The following ATG4C variants were observed in gnomAD, a reference collection of about 807,000 sequenced individuals.
ATG4C encodes the protein autophagy related 4C cysteine peptidase.
In ATG4C, 56 loss-of-function variants were observed where a neutral mutation model predicts 57.6. That is an observed-to-expected ratio of 0.97 (90% CI 0.78 to 1.21). The LOEUF (loss-of-function observed/expected upper bound fraction) is 1.21. Among genes scored for constraint, ATG4C ranks in the 50% most tolerant of loss-of-function variants. The pLI, the probability that ATG4C is intolerant of heterozygous loss-of-function variation, is 0.00. For synonymous variants in ATG4C, 157 were observed against 174.1 expected (o/e 0.90, Z 0.78); for missense variants, 595 against 529.8 (o/e 1.12, Z -1.21).
At chr1:62,788,923 T>G (rs1187789213) in intron 1 of ATG4C, among the ~76,000 whole-genome samples, 2 of 152,156 alleles carry the variant, frequency 1.3e-5, no homozygotes, top group Admixed American at 6.5e-5. Context: ...AACTTTCCAT[T>G]TAATCATATT....
At chr1:62,855,137 T>G (rs1666644503) in intron 10 of ATG4C, among the ~76,000 whole-genome samples, 1 of 152,182 alleles carries the variant, frequency 6.6e-6, no homozygotes, top group Non-Finnish European at 1.5e-5. Flanking sequence ...TCAGTTTCCT[T>G]GTTTTTAGTT....
chr1:62,812,610 G>A (rs538803836), intron 3 of ATG4C, among the ~76,000 whole-genome samples: 12 of 152,284 alleles, frequency 7.9e-5, no homozygotes, highest in African/African-American at 2.6e-4. Flanking sequence ...AGTATTGGAA[G>A]TTCTGGCCAG....
chr1:62,804,462 G>C (rs180819701), intron 2 of ATG4C, among the ~76,000 whole-genome samples: 1 of 148,950 alleles, frequency 6.7e-6, no homozygotes, highest in African/African-American at 2.5e-5. Context: ...TTTTTTTAGC[G>C]TTCTAAAACA....
At chr1:62,816,206 C>T (rs953511038) in intron 3 of ATG4C, among the ~76,000 whole-genome samples, 1 of 152,098 alleles carries the variant, frequency 6.6e-6, no homozygotes, top group African/African-American at 2.4e-5. Context: ...GAAGATGTTG[C>T]TGCACTATCT....
rs763039923 is a variant in ATG4C at position 62,819,306 on chromosome 1, T to A, written c.696T>A (p.Tyr232Ter). The A allele has an allele frequency of 6.3e-7, 1 of 1,597,388 alleles. No homozygotes were observed. Among genetic ancestry groups the A allele is most frequent in the Non-Finnish European group, 8.5e-7 (1 of 1,174,964 alleles). ...KKSGKKAGDW[Y>*]GPAVVAHILR... ...CTGGGAAAAAAGCAGGAGATTGGTA[T>A]GGACCAGCTGTGGTTGCTCACATTT... The change falls in exon 5 of 11, where the codon TAT becomes TAA. Residue 232 changes from tyrosine to a stop codon, truncating the protein, a stop_gained. Transcript: ENST00000317868. LOFTEE classifies it high-confidence loss of function.
At chr1:62,797,595 T>G (rs111304049) in intron 1 of ATG4C, among the ~76,000 whole-genome samples, 151 of 152,178 alleles carry the variant, frequency 9.9e-4, no homozygotes, top group African/African-American at 3.1e-3. Flanking sequence ...TCCAATTGCC[T>G]TTTTTTCTGT....
At chr1:62,859,528 A>G (rs1666786014) in intron 10 of ATG4C, among the ~76,000 whole-genome samples, 1 of 152,234 alleles carries the variant, frequency 6.6e-6, no homozygotes, top group Non-Finnish European at 1.5e-5. Context: ...TGGCACCTGC[A>G]GGACTGGAGG....
chr1:62,857,141 C>T (rs181575831), intron 10 of ATG4C, among the ~76,000 whole-genome samples: 50 of 152,220 alleles, frequency 3.3e-4, no homozygotes, highest in Admixed American at 1.2e-3. Context: ...ACCATGGACT[C>T]GTACCAGTCT....
At chr1:62,860,833 T>C (rs1666830403) in intron 10 of ATG4C, among the ~76,000 whole-genome samples, 1 of 152,192 alleles carries the variant, frequency 6.6e-6, no homozygotes, top group South Asian at 2.1e-4. Context: ...TTTACATATA[T>C]GGTGGCAGGG....
chr1:62,801,901 T>G (rs1572102550), intron 1 of ATG4C, among the ~76,000 whole-genome samples: 1 of 123,770 alleles, frequency 8.1e-6, no homozygotes, highest in Non-Finnish European at 1.6e-5. Flanking sequence ...GAGCTTGCAG[T>G]GAGCTGAGAT....
rs564893046 is a variant in ATG4C, at chr1:62,805,908, T to C, written c.160+653T>C. On this transcript the variant is annotated intron_variant, in intron 3 of 10. Transcript: ENST00000317868. ...GACTGTGTCTCTAATACTGGCATTC[T>C]TTTAAATATACATCCTTGCTTGGTT... Among the ~76,000 whole-genome samples the C allele has an allele frequency of 3.3e-5, 5 of 152,336 alleles. No individual in the cohort carries two copies. In the South Asian group the frequency reaches 8.3e-4, roughly 25 times the overall value.
intron 9 of ATG4C, among the ~76,000 whole-genome samples, chr1:62,837,264 C>T (rs1666027202): frequency 6.6e-6 from 1 of 152,108 alleles, no homozygotes; most frequent in South Asian, 2.1e-4. Flanking sequence ...GAGTTTTTAA[C>T]ACATTGTGAA....
At chr1:62,860,144 C>A (rs1666806236) in intron 10 of ATG4C, among the ~76,000 whole-genome samples, 1 of 151,952 alleles carries the variant, frequency 6.6e-6, no homozygotes, top group Admixed American at 6.6e-5. Flanking sequence ...TCATCAATAC[C>A]ACTATCTTCT....
intron 3 of ATG4C, among the ~76,000 whole-genome samples, chr1:62,811,289 ATTATT>A (rs1432573051): frequency 1.1e-4 from 16 of 152,210 alleles, no homozygotes; most frequent in Non-Finnish European, 2.9e-5. Context: ...CAAAAATTAG[ATTATT>A]TTAACAATGC....
At chr1:62,802,475 A>G (rs1664713079) in intron 1 of ATG4C, among the ~76,000 whole-genome samples, 1 of 152,024 alleles carries the variant, frequency 6.6e-6, no homozygotes. Context: ...TAAAAAAAAA[A>G]AAAAAGAAAT....
intron 3 of ATG4C, among the ~76,000 whole-genome samples, chr1:62,815,552 T>G (rs1296030151): frequency 6.6e-6 from 1 of 152,220 alleles, no homozygotes; most frequent in Non-Finnish European, 1.5e-5. Flanking sequence ...GTGTTCTTCA[T>G]TCCTTTGTGT....
intron 10 of ATG4C, among the ~76,000 whole-genome samples, chr1:62,849,304 G>T (rs991427610): frequency 6.6e-5 from 10 of 152,048 alleles, no homozygotes; most frequent in Admixed American, 1.3e-4. Flanking sequence ...CGAAGAGCTT[G>T]CCTTTGTTGT....
chr1:62,856,967 C>T (rs1666703014), intron 10 of ATG4C, among the ~76,000 whole-genome samples: 1 of 152,100 alleles, frequency 6.6e-6, no homozygotes, highest in Non-Finnish European at 1.5e-5. Context: ...TACTGTTTTC[C>T]TCTACCTGCA....
At chr1:62,842,365 G>A (rs1666198710) in intron 10 of ATG4C, among the ~76,000 whole-genome samples, 3 of 149,982 alleles carry the variant, frequency 2.0e-5, no homozygotes, top group African/African-American at 4.9e-5. Flanking sequence ...GCAATGGCGC[G>A]ATCTCGGCTC....
Sources: gnomAD v4.1 joint callset for allele counts (sites outside exome capture counted in the v4.1 genomes callset) on GRCh38, gnomAD v4.1.1 for gene constraint, MANE v1.5 for transcripts, NCBI Gene and HGNC (gene_info 2026-07-23, HGNC 2026-07-21) for gene names.